The following KIF26A variants were observed in gnomAD, a reference collection of about 807,000 sequenced individuals.
KIF26A encodes kinesin family member 26A, also known as kinesin-like protein KIF26A.
Under a neutral mutation model 126.0 loss-of-function variants are expected in KIF26A, and 74 were observed. That is an observed-to-expected ratio of 0.59 (90% CI 0.49 to 0.71). The LOEUF is 0.71. Among genes scored for constraint, KIF26A ranks in the 30% least tolerant of loss-of-function variants. The pLI, the probability that KIF26A is intolerant of heterozygous loss-of-function variation, is 0.00. For synonymous variants in KIF26A, 1,445 were observed against 1,232.7 expected (o/e 1.17, Z -3.61); for missense variants, 2,984 against 2,763.3 (o/e 1.08, Z -1.79).
intron 13 of KIF26A, 78 bp from the exon 14 acceptor site, chr14:104,179,158 G>T: frequency 1.5e-6 from 2 of 1,365,600 alleles, no homozygotes; most frequent in South Asian, 1.7e-5. Flanking sequence ...GAAGGGAGGC[G>T]GGGGCCACAT....
rs764121327 is a variant in KIF26A, at chr14:104,173,789, G to C, written c.1951G>C (p.Gly651Arg). ...AAGRAGEAAG[G>R]PLCLSLSALG... Reference sequence around the variant, plus strand: ...TGGCAGGGCCGGGGAGGCTGCTGGGGGTCCCCTGTGTCTGTCCCTGTCGGC... The same window carrying C: ...TGGCAGGGCCGGGGAGGCTGCTGGGCGTCCCCTGTGTCTGTCCCTGTCGGC... The change falls in exon 10 of 15, where the codon GGT (glycine) becomes CGT (arginine). Residue 651 changes from glycine (G) to arginine (R), a missense_variant. Physicochemically the swap from Gly to Arg is moderately radical, Grantham distance 125. Transcript: ENST00000423312. 1.2e-6 allele frequency: 2 copies of C among 1,606,684 alleles called. No individual in the cohort carries two copies. The highest frequency in any genetic ancestry group is 2.7e-5 in the African/African-American group (2 of 74,900).
In KIF26A at chr14:104,177,491, A is replaced by G. The variant is rs1476635626; in HGVS notation, c.4703A>G (p.His1568Arg). Residue 1568 changes from histidine (H) to arginine (R), a missense_variant, in exon 12 of 15, where the codon CAT becomes CGT. Coordinates refer to ENST00000423312, the MANE Select transcript of KIF26A (RefSeq NM_015656.2). ...CTCCGGGCTGCTCACAGCCGCGTCC[A>G]TGAGCTGTCAGCCAGTGGAGCCCCG... ...QALRAAHSRV[H>R]ELSASGAPGR... The G allele has an allele frequency of 2.7e-5, 42 of 1,533,890 alleles. No homozygotes were observed. The highest frequency in any genetic ancestry group is 3.9e-5 in the Admixed American group (2 of 50,838).
rs1162367855 is a variant in KIF26A, at chr14:104,178,762, C to T, written c.5316+7C>T. The T allele has an allele frequency of 6.8e-7, 1 of 1,475,058 alleles. No individual in the cohort carries two copies. The highest frequency in any genetic ancestry group is 9.2e-7 in the Non-Finnish European group (1 of 1,090,370). The allele number at this position is 1,475,058 out of a possible 1,614,324, so 91.4% of individuals were successfully genotyped here. ...GAGGGAGGCCCCCACCCAGGTAGGG[C>T]CTTTGGTGGGCTGGGGTCTATGACC... On this transcript the variant is annotated splice_region_variant and intron_variant, in intron 13 of 14. Transcript: ENST00000423312.
chr14:104,138,850 G>T, intron 1 of KIF26A, 86 bp downstream of exon 1: 1 of 1,259,748 alleles, frequency 7.9e-7, no homozygotes, highest in Non-Finnish European at 1.0e-6. Flanking sequence ...GGATCCCTGG[G>T]GGCCGGGCCT....
rs751314566 is a variant in KIF26A, at chr14:104,177,865, C to T, written c.5077C>T (p.Arg1693Cys). The T allele has an allele frequency of 1.9e-5, 30 of 1,554,788 alleles. No homozygotes were observed. Among genetic ancestry groups the T allele is most frequent in the South Asian group, 8.2e-5 (7 of 84,982 alleles). The part of the protein sequence containing the change: ...SGAASPGART[R>C]SLKSPKKRAT... ...GGCTGCCTCCCCAGGCGCCCGCACC[C>T]GCAGCCTCAAGTCCCCCAAGAAGAG... Residue 1693 changes from arginine (R) to cysteine (C), a missense_variant, in exon 12 of 15, where the codon CGC (arginine) becomes TGC (cysteine). Transcript: ENST00000423312.
chr14:104,179,179 TGGGGGTCTCTG>T, intron 13 of KIF26A, 46 bp from the exon 14 acceptor site: 1 of 1,412,514 alleles, frequency 7.1e-7, no homozygotes, highest in Non-Finnish European at 9.2e-7. Flanking sequence ...CAGGGCTGCT[TGGGGGTCTCTG>T]GGGAGAGGGT....
chr14:104,164,831 GTGTC>G (rs1447075377), intron 4 of KIF26A, among the ~76,000 whole-genome samples: 2 of 151,748 alleles, frequency 1.3e-5, no homozygotes, highest in South Asian at 2.1e-4. Flanking sequence ...CTCTGTGTGA[GTGTC>G]TGAGTATGTG....
At chr14:104,172,505 C>A in intron 6 of KIF26A, 70 bp from the exon 7 acceptor site, 1 of 1,181,462 alleles carries the variant, frequency 8.5e-7, no homozygotes, top group Non-Finnish European at 1.2e-6. Context: ...CCAGGACAGA[C>A]CGGCCTCAGG....
At chr14:104,144,481 G>C (rs535845788) in intron 2 of KIF26A, among the ~76,000 whole-genome samples, 108 of 152,302 alleles carry the variant, frequency 7.1e-4, no homozygotes, top group Middle Eastern at 3.4e-3. Context: ...CTGCTGGAGG[G>C]GCTTGTGAGG....
In KIF26A at chr14:104,151,809, T is replaced by C. The variant is rs777099926; in HGVS notation, c.289-206T>C. On this transcript the variant is annotated intron_variant, in intron 2 of 14. Coordinates refer to ENST00000423312, the MANE Select transcript of KIF26A (RefSeq NM_015656.2). The surrounding 1 kb of genome is among the most constrained non-coding windows in gnomAD (Gnocchi z 4.9). ...GGAAGGTGGACAGTTAACAAGGACA[T>C]TGTGAGCCTCACGATGAAGCCCGAT... Among the ~76,000 whole-genome samples the C allele has an allele frequency of 1.3e-5, 2 of 152,202 alleles. No homozygotes were observed. Among genetic ancestry groups the C allele is most frequent in the African/African-American group, 4.8e-5 (2 of 41,458 alleles).
Position 104,176,796 on chromosome 14 carries a change from GA to G in KIF26A, c.4010del (p.Lys1337ArgfsTer49). On this transcript the variant is annotated frameshift_variant, in exon 12 of 15. Transcript: ENST00000423312. LOFTEE classifies it high-confidence loss of function. The part of the protein sequence containing the change: ...TEVVACSGSL[K>X]ASPTSKKGLA... ...AGGTGGTGGCCTGCTCGGGGAGCCT[GA>G]AGGCCTCCCCCACCAGCAAGAAGGG... 1 of 1,568,000 alleles carries G rather than the reference GA, an allele frequency of 6.4e-7. No individual in the cohort carries two copies. The highest frequency in any genetic ancestry group is 8.6e-7 in the Non-Finnish European group (1 of 1,157,804).
rs574213052 is a variant in KIF26A at position 104,176,194 on chromosome 14, G to C, written c.3406G>C (p.Asp1136His). The C allele has an allele frequency of 6.2e-7, 1 of 1,600,046 alleles. No individual in the cohort carries two copies. Among genetic ancestry groups the C allele is most frequent in the East Asian group, 2.3e-5 (1 of 44,286 alleles). Residue 1136 changes from aspartate to histidine, a missense_variant, in exon 12 of 15, where the codon GAC becomes CAC. Transcript: ENST00000423312. The part of the protein sequence containing the change: ...DPTPQPRFSP[D>H]SLAGLDPGGP... ...CACGCCGCAGCCCCGCTTCAGCCCCGACTCGCTGGCAGGGCTTGACCCTGG... is the reference window on the plus strand; with the variant it reads ...CACGCCGCAGCCCCGCTTCAGCCCCCACTCGCTGGCAGGGCTTGACCCTGG...
In KIF26A at chr14:104,157,844, G is replaced by T. The variant is rs1489353750; in HGVS notation, c.825G>T (p.Trp275Cys). ...GCCCTGATGGCTTGTCGAAGGCCTGGGGCCGTGGTGGAGTCTGCACGTCAG... is the reference window on the plus strand; with the variant it reads ...GCCCTGATGGCTTGTCGAAGGCCTGTGGCCGTGGTGGAGTCTGCACGTCAG... ...VAGPDGLSKA[W>C]GRGGVCTSAL... The change falls in exon 4 of 15, where the codon TGG becomes TGT. Residue 275 changes from tryptophan (W) to cysteine (C), a missense_variant. Trp to Cys is a radical substitution (Grantham distance 215, BLOSUM62 -2). Coordinates refer to ENST00000423312, the MANE Select transcript of KIF26A (RefSeq NM_015656.2). 6.2e-7 allele frequency: 1 copy of T among 1,609,050 alleles called. No homozygotes were observed. The highest frequency in any genetic ancestry group is 2.2e-5 in the East Asian group (1 of 44,698).
At position 104,175,128 on chromosome 14, in the gene KIF26A, C is replaced by T. The variant is rs1596149248; in HGVS notation, c.2340C>T (p.Ser780=). The T allele has an allele frequency of 1.9e-6, 3 of 1,607,048 alleles. No individual in the cohort carries two copies. The highest frequency in any genetic ancestry group is 2.2e-5 in the East Asian group (1 of 44,646). The change falls in exon 12 of 15, where the codon TCC becomes TCT. Residue 780 remains serine, a synonymous_variant. Transcript: ENST00000423312. The part of the protein sequence containing the change: ...PPCLPGDPDY[S]SSSEQSCDTV... The stretch of plus-strand genomic sequence containing the variant: ...GCCTGCCCGGTGACCCCGATTACTC[C>T]TCCAGCAGCGAGCAGTCCTGTGACA...
Position 104,177,481 on chromosome 14 carries a change from A to G in KIF26A, c.4693A>G (p.Ser1565Gly), listed in dbSNP as rs777441499. The G allele has an allele frequency of 3.2e-5, 49 of 1,532,970 alleles. No individual in the cohort carries two copies. Among genetic ancestry groups the G allele is most frequent in the Non-Finnish European group, 4.0e-5 (46 of 1,145,372 alleles). 95.0% of individuals were successfully genotyped at this position (1,532,970 alleles called of 1,614,324 possible). ...GTKQALRAAH[S>G]RVHELSASGA... ...AAAGCAGGCGCTCCGGGCTGCTCAC[A>G]GCCGCGTCCATGAGCTGTCAGCCAG... The change falls in exon 12 of 15, where the codon AGC becomes GGC. Residue 1565 changes from serine to glycine, a missense_variant. Physicochemically the swap from Ser to Gly is moderately conservative, Grantham distance 56 (BLOSUM62 0). Coordinates refer to ENST00000423312, the MANE Select transcript of KIF26A (RefSeq NM_015656.2).
rs1303986618 is a variant in KIF26A at position 104,176,525 on chromosome 14, G to C, written c.3737G>C (p.Arg1246Pro). ...GGLFEDPWLL[R>P]VGECDTQAAS... ...CTGTTTGAGGACCCATGGCTGCTCC[G>C]GGTAGGGGAGTGTGATACCCAGGCA... Residue 1246 changes from arginine (R) to proline (P), a missense_variant, in exon 12 of 15, where the codon CGG becomes CCG. Arg to Pro is a moderately radical substitution (Grantham distance 103, BLOSUM62 -2). Coordinates refer to ENST00000423312, the MANE Select transcript of KIF26A (RefSeq NM_015656.2). The C allele has an allele frequency of 5.6e-6, 9 of 1,604,902 alleles. No homozygotes were observed. The highest frequency in any genetic ancestry group is 5.9e-6 in the Non-Finnish European group (7 of 1,179,674).
intron 3 of KIF26A, among the ~76,000 whole-genome samples, chr14:104,156,041 C>T (rs2037773892): frequency 6.6e-6 from 1 of 152,200 alleles, no homozygotes. Flanking sequence ...TCGCGACGAG[C>T]CACCTGTGGG....
intron 11 of KIF26A, 73 bp from the exon 12 acceptor site, chr14:104,174,909 C>A (rs1263622129): frequency 9.8e-6 from 14 of 1,427,380 alleles, no homozygotes; most frequent in Non-Finnish European, 1.2e-5. Context: ...TGGCCCTGTG[C>A]TCTGGGGAGG....
At position 104,148,095 on chromosome 14, in the gene KIF26A, G is replaced by A. The variant is rs1392440018; in HGVS notation, c.289-3920G>A. Among the ~76,000 whole-genome samples the A allele has an allele frequency of 6.6e-6, 1 of 152,204 alleles. No homozygotes were observed. ...ATGGGCAGTGGCTTGGCTGGAGTGG[G>A]GAGACTTCTCTCCTGCAGTGACGGG... On this transcript the variant is annotated intron_variant, in intron 2 of 14. Coordinates refer to ENST00000423312, the MANE Select transcript of KIF26A (RefSeq NM_015656.2). This position sits in a 1 kb window ranked among gnomAD's most constrained non-coding sequence, Gnocchi z 4.3.
Sources: allele counts gnomAD v4.1 joint callset (sites outside exome capture counted in the v4.1 genomes callset), GRCh38; gene constraint gnomAD v4.1.1; non-coding constraint Gnocchi (gnomAD v3.1); transcripts MANE v1.5; gene names NCBI Gene and HGNC (gene_info 2026-07-23, HGNC 2026-07-21).